CCR9: variants seen among roughly 807,000 people sequenced by gnomAD.
The protein encoded by CCR9 is C-C motif chemokine receptor 9, also known as C-C chemokine receptor type 9.
A neutral mutation model predicts 8.7 loss-of-function variants in CCR9; 4 were observed. The observed-to-expected ratio is 0.46, with a 90% CI of 0.23 to 1.06. The LOEUF (loss-of-function observed/expected upper bound fraction) is 1.06. Ranked by LOEUF, CCR9 falls within the 50% of genes least tolerant of loss-of-function variation. The pLI is 0.21. For synonymous variants in CCR9, 159 were observed against 168.8 expected, an observed-to-expected ratio of 0.94 and a Z score of 0.45; for missense variants, 394 against 453.6, an observed-to-expected ratio of 0.87 and a Z score of 1.19.
chr3:45,892,097 G>C (rs993372551), intron 1 of CCR9, among the ~76,000 whole-genome samples: 40 of 152,250 alleles, frequency 2.6e-4, no homozygotes, highest in Non-Finnish European at 5.4e-4. Context: ...CAAGATCAGG[G>C]CACTAGGTGC....
chr3:45,891,636 G>A (rs897690794), intron 1 of CCR9, among the ~76,000 whole-genome samples: 9 of 152,040 alleles, frequency 5.9e-5, no homozygotes, highest in Non-Finnish European at 1.0e-4. Flanking sequence ...CACTATCATC[G>A]AATTCACAGC....
intron 2 of CCR9, among the ~76,000 whole-genome samples, chr3:45,898,410 C>G (rs900497934): frequency 6.6e-6 from 1 of 152,248 alleles, no homozygotes; most frequent in African/African-American, 2.4e-5. Flanking sequence ...AGAAACATCT[C>G]TAAGTGTAAA....
intron 2 of CCR9, among the ~76,000 whole-genome samples, chr3:45,899,645 T>C (rs75255806): frequency 6.6e-6 from 1 of 152,182 alleles, no homozygotes; most frequent in East Asian, 1.9e-4. Flanking sequence ...TGGTGGAATT[T>C]GGGAGTCCTA....
rs529162110 is a variant in CCR9 at position 45,890,388 on chromosome 3, T to C, written c.-29+3733T>C. ...ATAACATATATAAAGTGTTTTCTAATTGATATCTCAAAAATCAACCTCCGT... is the reference window on the plus strand; with the variant it reads ...ATAACATATATAAAGTGTTTTCTAACTGATATCTCAAAAATCAACCTCCGT... On this transcript the variant is annotated intron_variant, in intron 1 of 2. Coordinates refer to ENST00000357632, the MANE Select transcript of CCR9 (RefSeq NM_031200.3). Among the ~76,000 whole-genome samples the C allele has an allele frequency of 7.1e-4, 36 of 50,598 alleles. No homozygotes were observed. In the South Asian group the frequency reaches 0.018, roughly 26 times the overall value. The allele number at this position is 50,598 out of a possible 152,430, so 33.2% of individuals were successfully genotyped here. A position where few individuals can be genotyped will look rare whatever the true frequency, so the allele number is the denominator to read the frequency against.
chr3:45,890,349 A>T (rs200359897), intron 1 of CCR9, among the ~76,000 whole-genome samples: 1 of 2,922 alleles, frequency 3.4e-4, no homozygotes, highest in Non-Finnish European at 5.9e-4. Flanking sequence ...TATATATATA[A>T]CATATATATA....
intron 1 of CCR9, among the ~76,000 whole-genome samples, chr3:45,894,571 C>T (rs891953212): frequency 1.3e-5 from 2 of 152,270 alleles, no homozygotes; most frequent in East Asian, 1.9e-4. Flanking sequence ...AAAGGATGAG[C>T]TGGGAAAAAT....
intron 1 of CCR9, among the ~76,000 whole-genome samples, chr3:45,890,081 G>A (rs922046999): frequency 9.3e-5 from 14 of 149,746 alleles, no homozygotes; most frequent in African/African-American, 3.4e-4. Flanking sequence ...TCTTACCAAT[G>A]TCGTTACCAT....
rs199687453 is a variant in CCR9 at position 45,901,772 on chromosome 3, C to T, written c.984C>T (p.Leu328=). The T allele has an allele frequency of 1.1e-5, 18 of 1,614,020 alleles. No homozygotes were observed. In the East Asian group the frequency reaches 1.3e-4, roughly 12 times the overall value. Residue 328 remains leucine, a synonymous_variant, in exon 3 of 3, where the codon CTC becomes CTT. Transcript: ENST00000357632. This position sits in a 1 kb window ranked among gnomAD's most constrained non-coding sequence, Gnocchi z 4.3. ...TGGGTGAGAGATTCCGCCGGGATCT[C>T]GTGAAAACCCTGAAGAACTTGGGTT... ...VFVGERFRRD[L]VKTLKNLGCI...
intron 1 of CCR9, among the ~76,000 whole-genome samples, chr3:45,890,033 A>G (rs544774659): frequency 6.6e-6 from 1 of 150,834 alleles, no homozygotes; most frequent in South Asian, 2.1e-4. Context: ...ACATAAATTT[A>G]TACTCCTCAC....
chr3:45,888,675 G>T (rs1005572968), intron 1 of CCR9, among the ~76,000 whole-genome samples: 1 of 152,122 alleles, frequency 6.6e-6, no homozygotes, highest in Non-Finnish European at 1.5e-5. Context: ...CAGTATGTTT[G>T]GTCATATGTG....
At chr3:45,887,125 C>A (rs1048377715) in intron 1 of CCR9, among the ~76,000 whole-genome samples, 4 of 152,058 alleles carry the variant, frequency 2.6e-5, no homozygotes, top group African/African-American at 9.7e-5. Flanking sequence ...AGCAGCCATC[C>A]AATTCTATGA....
intron 2 of CCR9, among the ~76,000 whole-genome samples, chr3:45,899,064 G>C (rs1036851082): frequency 6.6e-6 from 1 of 152,220 alleles, no homozygotes; most frequent in Non-Finnish European, 1.5e-5. Context: ...TACTCAGGAG[G>C]CTGAGGCAGG....
rs56192301 is a variant in CCR9 at position 45,900,969 on chromosome 3, G to A, written c.181G>A (p.Val61Met). 47 of 1,614,150 alleles carry A rather than the reference G, an allele frequency of 2.9e-5. No individual in the cohort carries two copies. In the East Asian group the frequency reaches 7.6e-4, roughly 26 times the overall value. The part of the protein sequence containing the change: ...LPPLYWLVFI[V>M]GALGNSLVIL... ...ACCCTTGTACTGGCTCGTGTTCATC[G>A]TGGGTGCCTTGGGCAACAGTCTTGT... The change falls in exon 3 of 3, where the codon GTG (valine) becomes ATG (methionine). Residue 61 changes from valine (V) to methionine (M), a missense_variant. By Grantham distance (21) the Val-to-Met change is conservative. Transcript: ENST00000357632. The surrounding 1 kb of genome is among the most constrained non-coding windows in gnomAD (Gnocchi z 4.7).
Position 45,901,483 on chromosome 3 carries a change from G to C in CCR9, c.695G>C (p.Cys232Ser). ...TTCCTTCCCTTCGTGGTCATGGCTT[G>C]CTGCTATACCATCATCATTCACACC... ...GFFLPFVVMA[C>S]CYTIIIHTLI... The change falls in exon 3 of 3, where the codon TGC becomes TCC. Residue 232 changes from cysteine to serine, a missense_variant. Coordinates refer to ENST00000357632, the MANE Select transcript of CCR9 (RefSeq NM_031200.3). The surrounding 1 kb of genome is among the most constrained non-coding windows in gnomAD (Gnocchi z 4.3). The C allele has an allele frequency of 6.2e-7, 1 of 1,614,136 alleles. No individual in the cohort carries two copies. Among genetic ancestry groups the C allele is most frequent in the Non-Finnish European group, 8.5e-7 (1 of 1,180,028 alleles).
At chr3:45,897,924 T>C (rs1006728094) in intron 2 of CCR9, among the ~76,000 whole-genome samples, 2 of 148,822 alleles carry the variant, frequency 1.3e-5, no homozygotes, top group African/African-American at 2.5e-5. Flanking sequence ...TGCGATTTGC[T>C]TCACAGCCGT....
chr3:45,901,738 A>G lies in CCR9; in HGVS notation c.950A>G (p.Tyr317Cys), dbSNP rs201289109. ...FFHSCLNPVL[Y>C]VFVGERFRRD... ...CACAGTTGCCTGAACCCTGTTCTCT[A>G]TGTTTTTGTGGGTGAGAGATTCCGC... The change falls in exon 3 of 3, where the codon TAT becomes TGT. Residue 317 changes from tyrosine (Y) to cysteine (C), a missense_variant. Coordinates refer to ENST00000357632, the MANE Select transcript of CCR9 (RefSeq NM_031200.3). The surrounding 1 kb of genome is among the most constrained non-coding windows in gnomAD (Gnocchi z 4.3). The G allele has an allele frequency of 1.9e-6, 3 of 1,614,108 alleles. No homozygotes were observed. Among genetic ancestry groups the G allele is most frequent in the African/African-American group, 1.3e-5 (1 of 75,028 alleles).
In CCR9 at chr3:45,901,984, A is replaced by G. The variant is rs1462010647; in HGVS notation, c.*86A>G. ...CCCACTGATGGGACCAGAGAGAGTGAAAGAGAAAAGAAAACTCAGAAAGGG... is the reference window on the plus strand; with the variant it reads ...CCCACTGATGGGACCAGAGAGAGTGGAAGAGAAAAGAAAACTCAGAAAGGG... On this transcript the variant is annotated 3_prime_UTR_variant, in exon 3 of 3. Transcript: ENST00000357632. The surrounding 1 kb of genome is among the most constrained non-coding windows in gnomAD (Gnocchi z 4.3). 4.4e-6 allele frequency: 5 copies of G among 1,137,474 alleles called. No homozygotes were observed. In the Admixed American group the frequency reaches 1.3e-4, roughly 30 times the overall value. The allele number at this position is 1,137,474 out of a possible 1,614,324, so 70.5% of individuals were successfully genotyped here.
At chr3:45,893,107 C>T (rs1007097166) in intron 1 of CCR9, among the ~76,000 whole-genome samples, 1 of 152,052 alleles carries the variant, frequency 6.6e-6, no homozygotes, top group Non-Finnish European at 1.5e-5. Context: ...TTCCTTTGTA[C>T]CCACCTGCCC....
At chr3:45,891,528 C>A (rs1458004809) in intron 1 of CCR9, among the ~76,000 whole-genome samples, 1 of 152,014 alleles carries the variant, frequency 6.6e-6, no homozygotes, top group Non-Finnish European at 1.5e-5. Flanking sequence ...TTCTCTTTTG[C>A]CCCTAAATAC....
Sources: gnomAD v4.1 joint callset for allele counts (sites outside exome capture counted in the v4.1 genomes callset) on GRCh38, gnomAD v4.1.1 for gene constraint, Gnocchi (gnomAD v3.1) non-coding constraint, MANE v1.5 for transcripts, NCBI Gene and HGNC (gene_info 2026-07-23, HGNC 2026-07-21) for gene names.